Variants in PXT1 observed in about 807,000 individuals in gnomAD.
PXT1 encodes the protein peroxisomal testis-specific protein 1.
PXT1 carries 11 observed loss-of-function variants against 11.0 expected under a neutral mutation model. The ratio of observed to expected loss-of-function variants is 1.00; its 90% confidence interval spans 0.63 to 1.66. PXT1 has a LOEUF of 1.66. Among genes scored for constraint, PXT1 ranks in the 40% most tolerant of loss-of-function variants. The pLI is 0.00. For synonymous variants in PXT1, 43 were observed against 51.4 expected (o/e 0.84, Z 0.70); for missense variants, 141 against 155.5 (o/e 0.91, Z 0.49).
intron 2 of PXT1, among the ~76,000 whole-genome samples, chr6:36,427,888 A>G (rs1396404402): frequency 4.6e-5 from 7 of 152,164 alleles, no homozygotes; most frequent in South Asian, 4.1e-4. Flanking sequence ...ATTGTGACTC[A>G]TCGTTTTTCA....
intron 2 of PXT1, among the ~76,000 whole-genome samples, chr6:36,435,770 C>T (rs757134863): frequency 7.9e-5 from 12 of 152,116 alleles, no homozygotes; most frequent in Non-Finnish European, 1.5e-4. Context: ...CTTGATGGCA[C>T]TATTGGAAGT....
chr6:36,427,810 G>A (rs1456665581), intron 2 of PXT1, among the ~76,000 whole-genome samples: 2 of 152,066 alleles, frequency 1.3e-5, no homozygotes, highest in Admixed American at 6.6e-5. Context: ...TGCAGCCAGT[G>A]GCCACTGTAC....
intron 4 of PXT1, among the ~76,000 whole-genome samples, chr6:36,395,567 A>C (rs1476504562): frequency 7.5e-6 from 1 of 132,950 alleles, no homozygotes; most frequent in African/African-American, 2.9e-5. Context: ...CAGTGGCACG[A>C]TCACAGCTCA....
At chr6:36,397,571 A>C (rs1464428642) in intron 4 of PXT1, among the ~76,000 whole-genome samples, 3 of 152,248 alleles carry the variant, frequency 2.0e-5, no homozygotes, top group Non-Finnish European at 4.4e-5. Flanking sequence ...CTTTAGAAGA[A>C]AACATAAGTG....
chr6:36,426,104 A>G lies in PXT1; in HGVS notation c.-9-13T>C, dbSNP rs1300127063. On this transcript the variant is annotated splice_polypyrimidine_tract_variant and intron_variant, in intron 2 of 4. Transcript: ENST00000454782. ...TCATGTTTTTTCCCTGTTGAAAAAC[A>G]TATTTTCAGAGGCTTTCCCCCATTT... is the stretch of plus-strand genomic sequence containing the variant. 11 of 1,461,314 alleles carry G rather than the reference A, an allele frequency of 7.5e-6. No homozygotes were observed. The highest frequency in any genetic ancestry group is 1.0e-5 in the Non-Finnish European group (11 of 1,095,616). The allele number at this position is 1,461,314 out of a possible 1,614,324, so 90.5% of individuals were successfully genotyped here. A position where few individuals can be genotyped will look rare whatever the true frequency, so the allele number is the denominator to read the frequency against.
chr6:36,400,687 G>T, intron 3 of PXT1, 103 bp from the exon 4 acceptor site: 2 of 1,278,168 alleles, frequency 1.6e-6, no homozygotes, highest in Non-Finnish European at 2.1e-6. Flanking sequence ...TGAGAGGGTT[G>T]GCCAGATGCA....
At chr6:36,411,671 G>A (rs535851531) in intron 3 of PXT1, among the ~76,000 whole-genome samples, 2 of 152,120 alleles carry the variant, frequency 1.3e-5, no homozygotes, top group African/African-American at 4.8e-5. Context: ...TACCTACAAG[G>A]TGGCTCATGC....
At chr6:36,406,025 T>C (rs1774284284) in intron 3 of PXT1, among the ~76,000 whole-genome samples, 2 of 152,330 alleles carry the variant, frequency 1.3e-5, no homozygotes, top group South Asian at 2.1e-4. Flanking sequence ...GTCCCCATCA[T>C]TGACACATGA....
chr6:36,401,700 G>C (rs1774217873), intron 3 of PXT1, among the ~76,000 whole-genome samples: 1 of 150,784 alleles, frequency 6.6e-6, no homozygotes, highest in South Asian at 2.1e-4. Context: ...TCAATGATCA[G>C]TTTTCAAATT....
chr6:36,402,416 TA>T (rs1207611398), intron 3 of PXT1, among the ~76,000 whole-genome samples: 4 of 152,164 alleles, frequency 2.6e-5, no homozygotes, highest in African/African-American at 9.7e-5. Context: ...TTCATTTCAA[TA>T]AAATTGGAGG....
At chr6:36,413,440 C>A (rs1354718081) in intron 3 of PXT1, among the ~76,000 whole-genome samples, 2 of 151,418 alleles carry the variant, frequency 1.3e-5, no homozygotes, top group Non-Finnish European at 2.9e-5. Context: ...AAGAAAGAAA[C>A]TCCTACCAAG....
intron 3 of PXT1, among the ~76,000 whole-genome samples, chr6:36,416,250 G>A (rs1331737352): frequency 4.6e-5 from 7 of 152,162 alleles, no homozygotes; most frequent in Admixed American, 4.6e-4. Flanking sequence ...TCAGAAGGCT[G>A]AAGTGGGAGG....
intron 1 of PXT1, among the ~76,000 whole-genome samples, chr6:36,441,021 C>T (rs926724963): frequency 1.3e-5 from 2 of 150,934 alleles, no homozygotes; most frequent in South Asian, 2.1e-4. Context: ...AATCCCCAAA[C>T]TTAGGGAGGC....
chr6:36,440,379 G>C (rs1774837302), intron 1 of PXT1, among the ~76,000 whole-genome samples: 1 of 152,096 alleles, frequency 6.6e-6, no homozygotes, highest in South Asian at 2.1e-4. Flanking sequence ...GACCATCTTG[G>C]CTAACATGGT....
chr6:36,415,347 G>C (rs569034935), intron 3 of PXT1, among the ~76,000 whole-genome samples: 3 of 152,274 alleles, frequency 2.0e-5, no homozygotes, highest in African/African-American at 7.2e-5. Context: ...GGGGTGCTGA[G>C]GTAGAAGAAT....
At chr6:36,398,244 G>GA (rs1190782749) in intron 4 of PXT1, among the ~76,000 whole-genome samples, 10 of 152,206 alleles carry the variant, frequency 6.6e-5, no homozygotes, top group Non-Finnish European at 1.3e-4. Flanking sequence ...AGGATGTGAA[G>GA]AAACTGGAAC....
At chr6:36,399,131 TATTTC>T (rs66650581) in intron 4 of PXT1, among the ~76,000 whole-genome samples, 16 of 150,628 alleles carry the variant, frequency 1.1e-4, no homozygotes, top group Non-Finnish European at 1.6e-4. Context: ...TATTTTATTT[TATTTC>T]ATTTCATTTC....
At chr6:36,422,154 T>G (rs1316208138) in intron 3 of PXT1, among the ~76,000 whole-genome samples, 2 of 152,248 alleles carry the variant, frequency 1.3e-5, no homozygotes, top group Non-Finnish European at 2.9e-5. Context: ...ACTTACCTAT[T>G]GAATAACACT....
chr6:36,391,703 G>A lies in PXT1; in HGVS notation c.*67C>T. The stretch of plus-strand genomic sequence containing the variant: ...AAGGGTGTTCTTCCCATCTGTCCCA[G>A]TGGGATTCATGTTTCTCAGAGGGTA... On this transcript the variant is annotated 3_prime_UTR_variant, in exon 5 of 5. Coordinates refer to ENST00000454782, the MANE Select transcript of PXT1 (RefSeq NM_152990.4). The A allele has an allele frequency of 9.7e-7, 1 of 1,027,460 alleles. No homozygotes were observed. Among genetic ancestry groups the A allele is most frequent in the East Asian group, 2.4e-5 (1 of 42,262 alleles). The allele number at this position is 1,027,460 out of a possible 1,614,324, so 63.6% of individuals were successfully genotyped here.
Sources: allele counts gnomAD v4.1 joint callset (sites outside exome capture counted in the v4.1 genomes callset), GRCh38; gene constraint gnomAD v4.1.1; transcripts MANE v1.5; gene names NCBI Gene and HGNC (gene_info 2026-07-23, HGNC 2026-07-21).